DYNC1I1: variants seen among roughly 807,000 people sequenced by gnomAD.
The protein encoded by DYNC1I1 is cytoplasmic dynein 1 intermediate chain 1.
Under a neutral mutation model 86.6 loss-of-function variants are expected in DYNC1I1, and 43 were observed. The observed-to-expected ratio is 0.50, with a 90% confidence interval of 0.39 to 0.64. The LOEUF is 0.64. Ranked by LOEUF, DYNC1I1 falls within the 30% of genes least tolerant of loss-of-function variation. DYNC1I1 has a pLI of 0.00. For missense variants in DYNC1I1, 604 were observed against 788.8 expected (o/e 0.77, Z 2.81); for synonymous variants, 262 against 283.7 (o/e 0.92, Z 0.77).
intron 9 of DYNC1I1, among the ~76,000 whole-genome samples, chr7:95,994,018 C>T (rs1234603974): frequency 6.6e-6 from 1 of 152,106 alleles, no homozygotes; most frequent in Admixed American, 6.6e-5. Flanking sequence ...TTTAGTAACA[C>T]TCAGGACAGA....
chr7:95,956,402 A>G (rs1415011475), intron 6 of DYNC1I1, among the ~76,000 whole-genome samples: 2 of 132,990 alleles, frequency 1.5e-5, no homozygotes, highest in African/African-American at 2.8e-5. Context: ...TTTTTATTAT[A>G]CTTTAAGTTC....
rs2116366229 is a variant in DYNC1I1, at chr7:95,917,994, C to T, written c.490+47996C>T. ...AATTTGTATAATCCTGAACTGTAAA[C>T]ATGAGGACCAGTGGTTGAGGTTTTT... On this transcript the variant is annotated intron_variant, in intron 6 of 16. Coordinates refer to ENST00000447467, the MANE Select transcript of DYNC1I1 (RefSeq NM_001135556.2). 2.6e-5 allele frequency among the ~76,000 whole-genome samples: 4 copies of T among 152,348 alleles called. No individual in the cohort carries two copies. In the South Asian group the frequency reaches 8.3e-4, roughly 32 times the overall value.
intron 14 of DYNC1I1, among the ~76,000 whole-genome samples, chr7:96,068,271 A>C (rs1349262675): frequency 2.6e-5 from 4 of 152,242 alleles, no homozygotes. Context: ...AGCAGGAAGC[A>C]TATTAAATAT....
At chr7:95,971,082 A>G (rs1476029256) in intron 6 of DYNC1I1, among the ~76,000 whole-genome samples, 5 of 152,132 alleles carry the variant, frequency 3.3e-5, no homozygotes, top group Non-Finnish European at 7.4e-5. Context: ...TAAGCAGGTC[A>G]GAGCTCTGCT....
chr7:96,039,325 A>G lies in DYNC1I1; in HGVS notation c.1413A>G (p.Thr471=). The G allele has an allele frequency of 1.2e-6, 2 of 1,614,156 alleles. No homozygotes were observed. Among genetic ancestry groups the G allele is most frequent in the Non-Finnish European group, 1.7e-6 (2 of 1,179,988 alleles). ...EVFEGHQGPV[T]GINCHMAVGP... Reference sequence around the variant, plus strand: ...TTGAAGGTCACCAAGGGCCAGTGACAGGAATTAACTGCCACATGGCAGTGG... The same window carrying G: ...TTGAAGGTCACCAAGGGCCAGTGACGGGAATTAACTGCCACATGGCAGTGG... The change falls in exon 14 of 17, where the codon ACA becomes ACG. Residue 471 remains threonine, a synonymous_variant. Coordinates refer to ENST00000447467, the MANE Select transcript of DYNC1I1 (RefSeq NM_001135556.2).
chr7:95,901,759 G>A (rs1426339098), intron 6 of DYNC1I1, among the ~76,000 whole-genome samples: 1 of 152,184 alleles, frequency 6.6e-6, no homozygotes, highest in Admixed American at 6.5e-5. Context: ...GATGAATGAA[G>A]CCTAGTATGG....
chr7:95,804,743 G>A lies in DYNC1I1; in HGVS notation c.14G>A (p.Ser5Asn). The A allele has an allele frequency of 6.3e-7, 1 of 1,596,200 alleles. No homozygotes were observed. The highest frequency in any genetic ancestry group is 8.5e-7 in the Non-Finnish European group (1 of 1,171,936). Residue 5 changes from serine to asparagine, a missense_variant, in exon 2 of 17, where the codon AGT becomes AAT. Ser to Asn is a conservative substitution (Grantham distance 46, BLOSUM62 1). Coordinates refer to ENST00000447467, the MANE Select transcript of DYNC1I1 (RefSeq NM_001135556.2). MSDK[S>N]DLKAELERKK... is the part of the protein sequence containing the mutation. ...AAGGAAACCAACATGTCTGACAAAA[G>A]TGACTTAAAAGCTGAGCTAGAGCGC... is the stretch of plus-strand genomic sequence containing the variant.
At chr7:95,857,745 A>C (rs1789763799) in intron 5 of DYNC1I1, among the ~76,000 whole-genome samples, 2 of 152,206 alleles carry the variant, frequency 1.3e-5, no homozygotes, top group Admixed American at 1.3e-4. Context: ...ATTCACTCTG[A>C]CAAGTAATTT....
At chr7:95,877,168 C>T (rs1790331653) in intron 6 of DYNC1I1, among the ~76,000 whole-genome samples, 2 of 152,126 alleles carry the variant, frequency 1.3e-5, no homozygotes, top group South Asian at 4.1e-4. Context: ...AAGACATTAG[C>T]ATTTCTCATA....
At chr7:95,782,794 G>A (rs1474150346) in intron 1 of DYNC1I1, among the ~76,000 whole-genome samples, 1 of 152,116 alleles carries the variant, frequency 6.6e-6, no homozygotes, top group Non-Finnish European at 1.5e-5. Context: ...CTCTCAGTGG[G>A]ATGAATGGGG....
chr7:95,817,579 T>A (rs1333278163), intron 4 of DYNC1I1, among the ~76,000 whole-genome samples: 1 of 152,210 alleles, frequency 6.6e-6, no homozygotes, highest in Non-Finnish European at 1.5e-5. Flanking sequence ...ATTTTTCCTA[T>A]GGGAAAAAAT....
intron 1 of DYNC1I1, among the ~76,000 whole-genome samples, chr7:95,787,079 C>T (rs755279738): frequency 1.2e-4 from 19 of 152,184 alleles, no homozygotes; most frequent in Non-Finnish European, 1.9e-4. Flanking sequence ...AGGTAGCCCA[C>T]ATTCTCTAGC....
intron 10 of DYNC1I1, among the ~76,000 whole-genome samples, chr7:96,013,432 A>C (rs1794326199): frequency 6.6e-6 from 1 of 152,028 alleles, no homozygotes; most frequent in African/African-American, 2.4e-5. Flanking sequence ...TAAGCCACTA[A>C]GTGTGTCATA....
intron 14 of DYNC1I1, among the ~76,000 whole-genome samples, chr7:96,065,090 T>C (rs1789926645): frequency 6.6e-6 from 1 of 152,236 alleles, no homozygotes; most frequent in Admixed American, 6.5e-5. Context: ...TGCACCCACA[T>C]GGACCATTGC....
intron 16 of DYNC1I1, among the ~76,000 whole-genome samples, chr7:96,108,736 C>T (rs1791259047): frequency 6.6e-6 from 1 of 151,782 alleles, no homozygotes; most frequent in African/African-American, 2.4e-5. Context: ...GTGGTGGGTG[C>T]CTGCAATCCC....
At chr7:95,950,655 G>A (rs1035429963) in intron 6 of DYNC1I1, among the ~76,000 whole-genome samples, 1 of 152,110 alleles carries the variant, frequency 6.6e-6, no homozygotes, top group African/African-American at 2.4e-5. Context: ...CCTAACCAGA[G>A]CGTCAGTAGA....
intron 5 of DYNC1I1, among the ~76,000 whole-genome samples, chr7:95,851,668 G>A (rs1789582445): frequency 6.6e-6 from 1 of 151,918 alleles, no homozygotes; most frequent in African/African-American, 2.4e-5. Context: ...TATGACTATA[G>A]TCTTCTTTTT....
At chr7:95,833,422 C>A (rs1476359786) in intron 5 of DYNC1I1, among the ~76,000 whole-genome samples, 3 of 149,194 alleles carry the variant, frequency 2.0e-5, no homozygotes, top group Non-Finnish European at 3.0e-5. Flanking sequence ...CAGCTTTGTT[C>A]TTTTGGCTTA....
intron 16 of DYNC1I1, among the ~76,000 whole-genome samples, chr7:96,108,360 G>C (rs56334646): frequency 6.6e-6 from 1 of 151,760 alleles, no homozygotes; most frequent in African/African-American, 2.4e-5. Flanking sequence ...ATCTCTTTCT[G>C]CAAAGGGATA....
Sources: gnomAD v4.1 joint callset for allele counts (sites outside exome capture counted in the v4.1 genomes callset) on GRCh38, gnomAD v4.1.1 for gene constraint, MANE v1.5 for transcripts, NCBI Gene and HGNC (gene_info 2026-07-23, HGNC 2026-07-21) for gene names.